The following ACSL3 variants were observed in gnomAD, a reference collection of about 807,000 sequenced individuals.
The protein encoded by ACSL3 is acyl-CoA synthetase long chain family member 3.
Under a neutral mutation model 84.7 loss-of-function variants are expected in ACSL3, and 34 were observed. That is an observed-to-expected ratio of 0.40 (90% CI 0.31 to 0.53). The LOEUF is 0.53. ACSL3 is among the 20% of genes least tolerant of loss of function. The pLI, the probability that ACSL3 is intolerant of heterozygous loss-of-function variation, is 0.48. For synonymous variants in ACSL3, 315 were observed against 299.4 expected, an observed-to-expected ratio of 1.05 and a Z score of -0.54; for missense variants, 680 against 873.1, an observed-to-expected ratio of 0.78 and a Z score of 2.79.
At chr2:222,924,855 C>T (rs1696832685) in intron 11 of ACSL3, among the ~76,000 whole-genome samples, 1 of 151,868 alleles carries the variant, frequency 6.6e-6, no homozygotes, top group African/African-American at 2.4e-5. Flanking sequence ...AACCCCGTCT[C>T]TACTAAAAAC....
intron 2 of ACSL3, among the ~76,000 whole-genome samples, chr2:222,898,624 C>G (rs904517892): frequency 2.0e-5 from 3 of 152,180 alleles, no homozygotes; most frequent in African/African-American, 7.2e-5. Flanking sequence ...GAGATCGAGA[C>G]CATCCCGGCT....
intron 3 of ACSL3, 27 bp from the exon 4 acceptor site, chr2:222,908,706 T>C: frequency 7.2e-7 from 1 of 1,394,836 alleles, no homozygotes; most frequent in Non-Finnish European, 9.8e-7. Flanking sequence ...GATTTTGAAC[T>C]AACGCCTTTC....
chr2:222,892,340 A>G (rs1444601161), intron 2 of ACSL3, among the ~76,000 whole-genome samples: 1 of 152,158 alleles, frequency 6.6e-6, no homozygotes, highest in Non-Finnish European at 1.5e-5. Flanking sequence ...TGAACTAGGT[A>G]TCTAGGTATG....
At position 222,878,577 on chromosome 2, in the gene ACSL3, C is replaced by A. The variant is rs116352426; in HGVS notation, c.-206-9253C>A. Among the ~76,000 whole-genome samples the A allele has an allele frequency of 3.5e-3, 530 of 152,246 alleles. 2 individuals carry two copies. Among genetic ancestry groups the A allele is most frequent in the Middle Eastern group, 0.027 (8 of 294 alleles). ...ATCCTTTATCCTACAATTGAATATA[C>A]TGTTTCTGAGGAATTCTGTGTTCTA... On this transcript the variant is annotated intron_variant, in intron 1 of 16. Transcript: ENST00000357430.
chr2:222,922,642 A>G (rs1403218954), intron 8 of ACSL3, 66 bp from the exon 9 acceptor site: 1 of 1,600,290 alleles, frequency 6.2e-7, no homozygotes, highest in Non-Finnish European at 8.5e-7. Context: ...GCTTGCTCCC[A>G]TTATAGGGCA....
At chr2:222,890,835 G>T (rs989455452) in intron 2 of ACSL3, among the ~76,000 whole-genome samples, 2 of 152,080 alleles carry the variant, frequency 1.3e-5, no homozygotes, top group Non-Finnish European at 1.5e-5. Context: ...TAGAGACGGG[G>T]TTTCTCCATG....
chr2:222,880,285 A>G (rs1324148974), intron 1 of ACSL3, among the ~76,000 whole-genome samples: 2 of 152,202 alleles, frequency 1.3e-5, no homozygotes, highest in Non-Finnish European at 2.9e-5. Flanking sequence ...TAGGATTTTC[A>G]TTGGGATTGC....
In ACSL3 at chr2:222,933,185, A is replaced by G. The variant is rs1697075594; in HGVS notation, c.1752A>G (p.Val584=). 2 of 1,613,274 alleles carry G rather than the reference A, an allele frequency of 1.2e-6. No homozygotes were observed. Among genetic ancestry groups the G allele is most frequent in the Non-Finnish European group, 1.7e-6 (2 of 1,179,712 alleles). Residue 584 remains valine (V), a synonymous_variant, in exon 15 of 17, where the codon GTA becomes GTG. Coordinates refer to ENST00000357430, the MANE Select transcript of ACSL3 (RefSeq NM_004457.5). ...LKIIDRKKDL[V]KLQAGEYVSL... ...TTGCAGATCGTAAAAAGGACCTTGT[A>G]AAACTACAGGCAGGGGAATATGTTT...
chr2:222,906,350 T>C (rs1268102561), intron 3 of ACSL3, among the ~76,000 whole-genome samples: 1 of 152,228 alleles, frequency 6.6e-6, no homozygotes, highest in East Asian at 1.9e-4. Flanking sequence ...TCTGCTTTCA[T>C]TGGTATCACC....
chr2:222,910,672 T>C (rs935025), intron 4 of ACSL3, among the ~76,000 whole-genome samples: 138,823 of 152,260 alleles, frequency 0.91, 63,403 homozygotes, highest in East Asian at 0.97. Context: ...CATTTTAACT[T>C]GACAACAGAA....
At chr2:222,920,743 T>C (rs1380914038) in intron 7 of ACSL3, among the ~76,000 whole-genome samples, 1 of 152,218 alleles carries the variant, frequency 6.6e-6, no homozygotes, top group African/African-American at 2.4e-5. Flanking sequence ...GTTCTTCCCG[T>C]GGCCTTTGAG....
At chr2:222,877,715 T>C (rs1220419746) in intron 1 of ACSL3, among the ~76,000 whole-genome samples, 2 of 152,202 alleles carry the variant, frequency 1.3e-5, no homozygotes, top group East Asian at 1.9e-4. Context: ...TTAGATTACA[T>C]GCTAGAAATT....
At chr2:222,879,964 T>G (rs1312710691) in intron 1 of ACSL3, among the ~76,000 whole-genome samples, 1 of 152,128 alleles carries the variant, frequency 6.6e-6, no homozygotes, top group Non-Finnish European at 1.5e-5. Flanking sequence ...GCTGGTTGTT[T>G]GCTTCAGGGA....
At position 222,919,218 on chromosome 2, in the gene ACSL3, C is replaced by T. The variant is rs746647106; in HGVS notation, c.805+16C>T. The T allele has an allele frequency of 7.4e-6, 12 of 1,613,164 alleles. No homozygotes were observed. The highest frequency in any genetic ancestry group is 9.3e-6 in the Non-Finnish European group (11 of 1,179,634). On this transcript the variant is annotated intron_variant, in intron 7 of 16. Transcript: ENST00000357430. ...GCCAGCATGGGTATGTTACACTTTT[C>T]TAATTCCTTACCTGTGCTTTCTGGT...
intron 1 of ACSL3, among the ~76,000 whole-genome samples, chr2:222,866,505 A>G (rs997509954): frequency 1.3e-5 from 2 of 152,160 alleles, no homozygotes; most frequent in Non-Finnish European, 2.9e-5. Flanking sequence ...GCACAGAGCA[A>G]TTTAAGTGAC....
intron 13 of ACSL3, among the ~76,000 whole-genome samples, chr2:222,929,503 C>T (rs532230028): frequency 4.6e-5 from 7 of 152,162 alleles, no homozygotes; most frequent in South Asian, 4.1e-4. Flanking sequence ...AGATTCTGGC[C>T]GGGCGCAGTG....
intron 9 of ACSL3, 28 bp from the exon 10 acceptor site, chr2:222,923,050 A>G (rs994022258): frequency 1.9e-6 from 3 of 1,564,202 alleles, no homozygotes; most frequent in South Asian, 1.1e-5. Context: ...GGATCACTTT[A>G]TATGGATCAC....
rs572276619 is a variant in ACSL3, at chr2:222,931,555, A to G, written c.1732+743A>G. On this transcript the variant is annotated intron_variant, in intron 14 of 16. Coordinates refer to ENST00000357430, the MANE Select transcript of ACSL3 (RefSeq NM_004457.5). ...GTTTATTTTATGAGCTATGTCTCAA[A>G]ATCATACTCTTCTCTCTTTGTCTCT... 5.3e-5 allele frequency among the ~76,000 whole-genome samples: 8 copies of G among 152,296 alleles called. No homozygotes were observed. In the South Asian group the frequency reaches 1.7e-3, roughly 32 times the overall value.
chr2:222,940,754 TAC>T, intron 16 of ACSL3, among the ~76,000 whole-genome samples: 1 of 152,330 alleles, frequency 6.6e-6, no homozygotes, highest in East Asian at 1.9e-4. Flanking sequence ...TAGTAGGCTA[TAC>T]CATCGACATT....
Sources: gnomAD v4.1 joint callset for allele counts (sites outside exome capture counted in the v4.1 genomes callset) on GRCh38, gnomAD v4.1.1 for gene constraint, MANE v1.5 for transcripts, NCBI Gene and HGNC (gene_info 2026-07-23, HGNC 2026-07-21) for gene names.